Variants in CTNNA3 observed in about 807,000 individuals in gnomAD.
The protein encoded by CTNNA3 is catenin alpha-3.
CTNNA3 carries 76 observed loss-of-function variants against 95.7 expected under a neutral mutation model. That is an observed-to-expected ratio of 0.79 (90% CI 0.66 to 0.96). The LOEUF is 0.96. CTNNA3 is among the 40% of genes least tolerant of loss of function. The pLI is 0.00. For missense variants in CTNNA3, 1,191 were observed against 1,089.8 expected (o/e 1.09, Z -1.31); for synonymous variants, 431 against 374.4 (o/e 1.15, Z -1.74).
At chr10:66,286,651 G>GGTGCAGAGGTTTAAAAT (rs2091594550) in intron 12 of CTNNA3, among the ~76,000 whole-genome samples, 1 of 152,008 alleles carries the variant, frequency 6.6e-6, no homozygotes, top group African/African-American at 2.4e-5. Context: ...AGGTTTAAAA[G>GGTGCAGAGGTTTAAAAT]GTACAGAGGT....
intron 9 of CTNNA3, among the ~76,000 whole-genome samples, chr10:66,681,255 CA>C (rs1210191043): frequency 2.6e-5 from 4 of 152,154 alleles, no homozygotes; most frequent in African/African-American, 9.7e-5. Context: ...GGAGTGACTG[CA>C]TATTACCCTG....
intron 13 of CTNNA3, among the ~76,000 whole-genome samples, chr10:66,279,266 T>C (rs928034503): frequency 6.6e-6 from 1 of 152,076 alleles, no homozygotes; most frequent in Non-Finnish European, 1.5e-5. Context: ...GCCTATCAGA[T>C]ATTAATACTA....
intron 2 of CTNNA3, among the ~76,000 whole-genome samples, chr10:67,612,063 C>T (rs1048634036): frequency 6.6e-6 from 1 of 151,948 alleles, no homozygotes. Context: ...TTTACTTCTA[C>T]CAAAACAACC....
In CTNNA3 at chr10:66,969,984, C is replaced by G. The variant is rs1053885093; in HGVS notation, c.1048-194460G>C. 1.8e-4 allele frequency among the ~76,000 whole-genome samples: 28 copies of G among 152,036 alleles called. 1 individual carries two copies. Among genetic ancestry groups the G allele is most frequent in the African/African-American group, 6.5e-4 (27 of 41,364 alleles). On this transcript the variant is annotated intron_variant, in intron 7 of 17. Transcript: ENST00000433211. ...ACTGACCTACCTCAGAGATTTCTCCCACATCATTATTACAAAGTACTATAA... is the reference window on the plus strand; with the variant it reads ...ACTGACCTACCTCAGAGATTTCTCCGACATCATTATTACAAAGTACTATAA...
intron 13 of CTNNA3, among the ~76,000 whole-genome samples, chr10:66,237,439 C>A (rs1379475714): frequency 6.6e-6 from 1 of 151,888 alleles, no homozygotes; most frequent in Non-Finnish European, 1.5e-5. Context: ...TTATTCGATC[C>A]TCCTTGGCCC....
At chr10:67,673,024 C>T (rs1840468452) in intron 1 of CTNNA3, among the ~76,000 whole-genome samples, 1 of 151,432 alleles carries the variant, frequency 6.6e-6, no homozygotes, top group Admixed American at 6.6e-5. Flanking sequence ...TTTGTGTCCT[C>T]TTTTATTTCA....
intron 5 of CTNNA3, among the ~76,000 whole-genome samples, chr10:67,393,770 T>G (rs1844607614): frequency 6.6e-6 from 1 of 152,060 alleles, no homozygotes; most frequent in African/African-American, 2.4e-5. Context: ...CTAGTTGGAG[T>G]GATTCTTCTA....
At chr10:66,363,317 T>C (rs2092689850) in intron 12 of CTNNA3, among the ~76,000 whole-genome samples, 1 of 152,172 alleles carries the variant, frequency 6.6e-6, no homozygotes, top group Non-Finnish European at 1.5e-5. Context: ...TATTTGGAGA[T>C]GGGGCCTTTG....
chr10:66,732,121 C>A (rs1030834159), intron 9 of CTNNA3, among the ~76,000 whole-genome samples: 1 of 152,226 alleles, frequency 6.6e-6, no homozygotes, highest in Non-Finnish European at 1.5e-5. Context: ...AGGTTATTCT[C>A]TTCCTTTGCT....
chr10:66,857,716 T>C (rs538622507), intron 7 of CTNNA3, among the ~76,000 whole-genome samples: 1 of 152,158 alleles, frequency 6.6e-6, no homozygotes, highest in East Asian at 1.9e-4. Flanking sequence ...TTGGCTCTTG[T>C]TGGCGTATAG....
intron 7 of CTNNA3, among the ~76,000 whole-genome samples, chr10:66,865,865 T>G (rs1589353536): frequency 6.6e-6 from 1 of 152,082 alleles, no homozygotes; most frequent in African/African-American, 2.4e-5. Context: ...AAAAGTAATA[T>G]GTAATATGCA....
In CTNNA3 at chr10:66,156,969, C is replaced by T. The variant is rs1341681796; in HGVS notation, c.1885-53720G>A. ...GAACAGACTGATGAGGAGGACGTAA[C>T]CTATTGATTTTCAGTTTTGTATTTC... On this transcript the variant is annotated intron_variant, in intron 13 of 17. Coordinates refer to ENST00000433211, the MANE Select transcript of CTNNA3 (RefSeq NM_013266.4). Among the ~76,000 whole-genome samples, 6 of 151,898 alleles carry T rather than the reference C, an allele frequency of 4.0e-5. No individual in the cohort carries two copies. The East Asian group carries it at 9.7e-4, about 24-fold the overall frequency.
At chr10:65,955,848 T>C (rs1564538350) in intron 17 of CTNNA3, among the ~76,000 whole-genome samples, 1 of 152,292 alleles carries the variant, frequency 6.6e-6, no homozygotes. Flanking sequence ...TCTAAAATTC[T>C]CTTTTTTTGT....
intron 12 of CTNNA3, among the ~76,000 whole-genome samples, chr10:66,373,586 G>T (rs976967900): frequency 2.4e-5 from 3 of 122,746 alleles, no homozygotes; most frequent in Non-Finnish European, 3.3e-5. Context: ...TCTTGTTAAT[G>T]CTCTCTAATT....
chr10:66,090,011 G>C (rs957372780), intron 14 of CTNNA3, among the ~76,000 whole-genome samples: 1 of 151,762 alleles, frequency 6.6e-6, no homozygotes, highest in African/African-American at 2.4e-5. Context: ...TCATTTCAAA[G>C]AACAACATGA....
intron 15 of CTNNA3, among the ~76,000 whole-genome samples, chr10:65,994,274 T>C (rs563419790): frequency 1.3e-5 from 2 of 152,192 alleles, no homozygotes; most frequent in Middle Eastern, 3.2e-3. Flanking sequence ...ATAGATATCA[T>C]CTTTGCACTT....
At chr10:66,385,759 C>T (rs778542242) in intron 11 of CTNNA3, among the ~76,000 whole-genome samples, 9 of 152,182 alleles carry the variant, frequency 5.9e-5, no homozygotes, top group Non-Finnish European at 1.0e-4. Flanking sequence ...AAGTAGGCTT[C>T]ATCCCTGGGA....
At chr10:66,843,958 C>T (rs1338124689) in intron 7 of CTNNA3, among the ~76,000 whole-genome samples, 1 of 152,160 alleles carries the variant, frequency 6.6e-6, no homozygotes, top group African/African-American at 2.4e-5. Context: ...ATAATTGATG[C>T]CCAATAGGGC....
chr10:66,863,641 A>G lies in CTNNA3; in HGVS notation c.1048-88117T>C, dbSNP rs78584220. Among the ~76,000 whole-genome samples, 1,020 of 152,262 alleles carry G rather than the reference A, an allele frequency of 6.7e-3. 7 individuals carry two copies. The highest frequency in any genetic ancestry group is 0.012 in the Non-Finnish European group (788 of 68,010). ...CAGTTTCTGAGATGGGAATGGCTTG[A>G]GCTGATTTGCAGGGCTAATTTGAAG... On this transcript the variant is annotated intron_variant, in intron 7 of 17. Coordinates refer to ENST00000433211, the MANE Select transcript of CTNNA3 (RefSeq NM_013266.4).
Sources: gnomAD v4.1 joint callset for allele counts (sites outside exome capture counted in the v4.1 genomes callset) on GRCh38, gnomAD v4.1.1 for gene constraint, MANE v1.5 for transcripts, NCBI Gene and HGNC (gene_info 2026-07-23, HGNC 2026-07-21) for gene names.